Variants in ZNF142 observed in about 807,000 individuals in gnomAD.
ZNF142 encodes zinc finger protein 142.
ZNF142 carries 96 observed loss-of-function variants against 132.1 expected under a neutral mutation model. That is an observed-to-expected ratio of 0.73 (90% confidence interval 0.62 to 0.86). ZNF142 has a LOEUF of 0.86. Among genes scored for constraint, ZNF142 ranks in the 40% least tolerant of loss-of-function variants. ZNF142 has a pLI of 0.00. For missense variants in ZNF142, 2,163 were observed against 2,336.2 expected, an observed-to-expected ratio of 0.93 and a Z score of 1.53; for synonymous variants, 842 against 890.1, an observed-to-expected ratio of 0.95 and a Z score of 0.96.
Position 218,644,181 on chromosome 2 carries a change from AGTT to A in ZNF142, c.2932_2934del (p.Asn978del), listed in dbSNP as rs1446077064. On this transcript the variant is annotated inframe_deletion, in exon 9 of 11. Coordinates refer to ENST00000411696, the MANE Select transcript of ZNF142 (RefSeq NM_001379659.1). This position sits in a 1 kb window ranked among gnomAD's most constrained non-coding sequence, Gnocchi z 4.6. ...GGAGTTGTCTTGAAGGTTCCTACCC[AGTT>A]GTTAGGAGCCTCCTCTAAGGATGGA... 5.6e-6 allele frequency: 9 copies of A among 1,614,022 alleles called. No homozygotes were observed. Among genetic ancestry groups the A allele is most frequent in the Non-Finnish European group, 7.6e-6 (9 of 1,179,976 alleles).
Position 218,644,896 on chromosome 2 carries a change from C to T in ZNF142, c.2220G>A (p.Pro740=), listed in dbSNP as rs779404114. ...AGTAGTGGCAAGGGTAGAGTGGGGCCGGTGTGCCAGGGTGGTGCTGGGAAG... is the reference window on the plus strand; with the variant it reads ...AGTAGTGGCAAGGGTAGAGTGGGGCTGGTGTGCCAGGGTGGTGCTGGGAAG... ...HMASQHHPGT[P]APLYPCHYCS... The change falls in exon 9 of 11, where the codon CCG becomes CCA. Residue 740 remains proline, a synonymous_variant. Coordinates refer to ENST00000411696, the MANE Select transcript of ZNF142 (RefSeq NM_001379659.1). The surrounding 1 kb of genome is among the most constrained non-coding windows in gnomAD (Gnocchi z 4.6). The T allele has an allele frequency of 5.1e-5, 82 of 1,613,994 alleles. No individual in the cohort carries two copies. Among genetic ancestry groups the T allele is most frequent in the South Asian group, 2.1e-4 (19 of 91,074 alleles).
rs767895362 is a variant in ZNF142 at position 218,650,527 on chromosome 2, C to A, written c.881-1G>T. On this transcript the variant is annotated splice_acceptor_variant, in intron 5 of 10. Coordinates refer to ENST00000411696, the MANE Select transcript of ZNF142 (RefSeq NM_001379659.1). LOFTEE classifies it high-confidence loss of function. ...CTCTCTCCTGGAGGCAGTTTGGGAG[C>A]TGGAGATACATAAAACTTGATAAAG... 17 of 1,568,514 alleles carry A rather than the reference C, an allele frequency of 1.1e-5. No individual in the cohort carries two copies. Among genetic ancestry groups the A allele is most frequent in the Non-Finnish European group, 1.3e-5 (15 of 1,159,548 alleles).
intron 9 of ZNF142, 80 bp downstream of exon 9, chr2:218,641,948 G>A (rs1296177642): frequency 4.7e-6 from 7 of 1,501,818 alleles, no homozygotes; most frequent in Non-Finnish European, 6.3e-6. Flanking sequence ...ATCTGGAGGA[G>A]TCAGCTATAG....
At chr2:218,641,495 T>C (rs950621212) in intron 9 of ZNF142, among the ~76,000 whole-genome samples, 15 of 151,946 alleles carry the variant, frequency 9.9e-5, no homozygotes, top group Non-Finnish European at 1.8e-4. Context: ...CCGCCCACCT[T>C]GGCCTCCCAA....
chr2:218,647,940 C>T (rs1697886109), intron 7 of ZNF142, among the ~76,000 whole-genome samples: 1 of 152,202 alleles, frequency 6.6e-6, no homozygotes, highest in African/African-American at 2.4e-5. Flanking sequence ...GTGACTAAAG[C>T]ATGTACAGGA....
At chr2:218,654,143 T>G (rs1345157023) in intron 4 of ZNF142, among the ~76,000 whole-genome samples, 1 of 152,206 alleles carries the variant, frequency 6.6e-6, no homozygotes, top group Non-Finnish European at 1.5e-5. Context: ...AAAGCACCCC[T>G]ATATATCCTC....
In ZNF142 at chr2:218,650,378, T is replaced by C. The variant is rs770771969; in HGVS notation, c.1029A>G (p.Gln343=). The change falls in exon 6 of 11, where the codon CAA becomes CAG. Residue 343 remains glutamine (Q), a synonymous_variant. Coordinates refer to ENST00000411696, the MANE Select transcript of ZNF142 (RefSeq NM_001379659.1). The part of the protein sequence containing the change: ...KDSQKAVDKG[Q]GAQRLEGDVV... ...CATTACCTTCCAGCCGCTGAGCCCCTTGGCCTTTATCCACAGCCTTTTGGG... is the reference window on the plus strand; with the variant it reads ...CATTACCTTCCAGCCGCTGAGCCCCCTGGCCTTTATCCACAGCCTTTTGGG... The C allele has an allele frequency of 1.2e-6, 2 of 1,614,212 alleles. No individual in the cohort carries two copies. Among genetic ancestry groups the C allele is most frequent in the Non-Finnish European group, 1.7e-6 (2 of 1,180,042 alleles).
Position 218,643,003 on chromosome 2 carries a change from T to C in ZNF142, c.4113A>G (p.Leu1371=), listed in dbSNP as rs780488763. ...AAPARGPRPH[L]QCGDCGFTCK... is the part of the protein sequence containing the mutation. ...AGGTGAAGCCACAGTCCCCACACTG[T>C]AGATGGGGCCGGGGCCCACGGGCTG... The change falls in exon 9 of 11, where the codon CTA becomes CTG. Residue 1371 remains leucine (L), a synonymous_variant. Transcript: ENST00000411696. The C allele has an allele frequency of 6.2e-7, 1 of 1,610,412 alleles. No individual in the cohort carries two copies. Among genetic ancestry groups the C allele is most frequent in the Non-Finnish European group, 8.5e-7 (1 of 1,178,152 alleles).
intron 7 of ZNF142, among the ~76,000 whole-genome samples, chr2:218,647,431 A>AAAAAAAAAAAAAAAAAAAAAAAC (rs1267446689): frequency 2.0e-5 from 3 of 148,404 alleles, no homozygotes; most frequent in East Asian, 1.9e-4. Context: ...TCAAAAAAAA[A>AAAAAAAAAAAAAAAAAAAAAAAC]AAAAGCCTCC....
intron 9 of ZNF142, 43 bp downstream of exon 9, chr2:218,641,985 C>T (rs778597446): frequency 6.3e-7 from 1 of 1,587,270 alleles, no homozygotes; most frequent in Non-Finnish European, 8.6e-7. Flanking sequence ...AACTCCAGAG[C>T]CTGTGCTCCT....
rs772584670 is a variant in ZNF142, at chr2:218,634,477, T to TG, written c.*3861dup. ...CCTCAGTGGCCATGAATATGCAGAC[T>TG]GCAGGGCTTGAAATGGACATCTGTG... On this transcript the variant is annotated 3_prime_UTR_variant, in exon 11 of 11. Transcript: ENST00000411696. The surrounding 1 kb of genome is among the most constrained non-coding windows in gnomAD (Gnocchi z 4.0). 2.5e-6 allele frequency: 4 copies of TG among 1,613,878 alleles called. No individual in the cohort carries two copies. In the East Asian group the frequency reaches 8.9e-5, roughly 36 times the overall value.
rs747363837 is a variant in ZNF142, at chr2:218,634,576, T to C, written c.*3763A>G. ...ACTTCCTGCGTGATATCCAGAGTTC[T>C]TTCCACCCTGAGAAGCCCATCAGCC... On this transcript the variant is annotated 3_prime_UTR_variant, in exon 11 of 11. Transcript: ENST00000411696. This position sits in a 1 kb window ranked among gnomAD's most constrained non-coding sequence, Gnocchi z 4.0. The C allele has an allele frequency of 1.2e-5, 19 of 1,613,934 alleles. No homozygotes were observed. In the East Asian group the frequency reaches 4.0e-4, roughly 34 times the overall value.
In ZNF142 at chr2:218,643,521, G is replaced by A. The variant is rs370460833; in HGVS notation, c.3595C>T (p.His1199Tyr). 8 of 1,611,398 alleles carry A rather than the reference G, an allele frequency of 5.0e-6. No homozygotes were observed. In the African/African-American group the frequency reaches 8.0e-5, roughly 16 times the overall value. The change falls in exon 9 of 11, where the codon CAC becomes TAC. Residue 1199 changes from histidine to tyrosine, a missense_variant. Transcript: ENST00000411696. Reference sequence around the variant, plus strand: ...GCAGGAGGGACTGGGTCAAGGTGGTGCTTCTTAGGGGCCTCCGTGGGTGAG... The same window carrying A: ...GCAGGAGGGACTGGGTCAAGGTGGTACTTCTTAGGGGCCTCCGTGGGTGAG... The part of the protein sequence containing the change: ...NSSPTEAPKK[H>Y]HLDPVPPAGN...
chr2:218,641,940 C>A, intron 9 of ZNF142, 88 bp downstream of exon 9: 1 of 1,484,982 alleles, frequency 6.7e-7, no homozygotes. Context: ...GAGCTAATAT[C>A]TGGAGGAGTC....
Position 218,643,582 on chromosome 2 carries a change from CT to C in ZNF142, c.3533del (p.Lys1178SerfsTer39), listed in dbSNP as rs1323547604. ...CAGGAGGGACTGGGTCAAAGCAGTG[CT>C]TCTTAGGGGCCTCTGTGGGCAAGGA... The part of the protein sequence containing the change: ...GNSLPTEAPK[K>X]HCFDPVPPAG... On this transcript the variant is annotated frameshift_variant, in exon 9 of 11. Coordinates refer to ENST00000411696, the MANE Select transcript of ZNF142 (RefSeq NM_001379659.1). LOFTEE classifies it high-confidence loss of function. The C allele has an allele frequency of 6.3e-7, 1 of 1,583,564 alleles. No homozygotes were observed. Among genetic ancestry groups the C allele is most frequent in the Non-Finnish European group, 8.6e-7 (1 of 1,164,596 alleles).
In ZNF142 at chr2:218,642,396, T is replaced by G. The variant is rs530665502; in HGVS notation, c.4720A>C (p.Arg1574=). ...CAGCGGTGGCTGAAATGCTGCTGCC[T>G]CCGGTGCTCATCCAGAGCCAGTCGG... is the stretch of plus-strand genomic sequence containing the variant. ...PSRLALDEHR[R]QQHFSHRCQL... is the part of the protein sequence containing the mutation. The change falls in exon 9 of 11, where the codon AGG becomes CGG. Residue 1574 remains arginine (R), a synonymous_variant. Coordinates refer to ENST00000411696, the MANE Select transcript of ZNF142 (RefSeq NM_001379659.1). The surrounding 1 kb of genome is among the most constrained non-coding windows in gnomAD (Gnocchi z 4.6). 3.7e-6 allele frequency: 6 copies of G among 1,612,990 alleles called. No homozygotes were observed. In the East Asian group the frequency reaches 1.3e-4, roughly 36 times the overall value.
At chr2:218,658,548 AAAAC>A (rs1216223179) in intron 3 of ZNF142, among the ~76,000 whole-genome samples, 149 bp downstream of exon 3, 7 of 152,000 alleles carry the variant, frequency 4.6e-5, no homozygotes, top group Admixed American at 1.3e-4. Flanking sequence ...TCTCAAAAAA[AAAAC>A]AAACAAAAAC....
At chr2:218,638,993 C>T (rs745930306) in intron 10 of ZNF142, among the ~76,000 whole-genome samples, 185 bp from the exon 11 acceptor site, 10 of 152,140 alleles carry the variant, frequency 6.6e-5, no homozygotes, top group Non-Finnish European at 1.0e-4. Flanking sequence ...TTCTTTGAGA[C>T]GGAGTTTCGC....
At chr2:218,646,432 C>A in intron 7 of ZNF142, 84 bp from the exon 8 acceptor site, 3 of 1,492,940 alleles carry the variant, frequency 2.0e-6, no homozygotes, top group East Asian at 2.3e-5. Flanking sequence ...AGCAAGCCTG[C>A]CCTGATGCCA....
Sources: allele counts gnomAD v4.1 joint callset (sites outside exome capture counted in the v4.1 genomes callset), GRCh38; gene constraint gnomAD v4.1.1; non-coding constraint Gnocchi (gnomAD v3.1); transcripts MANE v1.5; gene names NCBI Gene and HGNC (gene_info 2026-07-23, HGNC 2026-07-21).